Variants in TMEM131L observed in about 807,000 individuals in gnomAD.
TMEM131L encodes the protein transmembrane 131 like.
TMEM131L carries 54 observed loss-of-function variants against 192.2 expected under a neutral mutation model. That is an observed-to-expected ratio of 0.28 (90% confidence interval 0.23 to 0.35). The LOEUF (loss-of-function observed/expected upper bound fraction) is 0.35. Among genes scored for constraint, TMEM131L ranks in the 10% least tolerant of loss-of-function variants. The pLI, the probability that TMEM131L is intolerant of heterozygous loss-of-function variation, is 1.00. For missense variants in TMEM131L, 1,888 were observed against 1,972.9 expected (o/e 0.96, Z 0.82); for synonymous variants, 701 against 704.9 (o/e 0.99, Z 0.09).
intron 16 of TMEM131L, among the ~76,000 whole-genome samples, chr4:153,589,318 A>G (rs1198691026): frequency 3.3e-5 from 5 of 152,200 alleles, no homozygotes; most frequent in Non-Finnish European, 7.3e-5. Flanking sequence ...CTGAATTGTC[A>G]GCATCACTCT....
chr4:153,514,956 C>T (rs889833828), intron 3 of TMEM131L, among the ~76,000 whole-genome samples: 31 of 151,976 alleles, frequency 2.0e-4, no homozygotes, highest in African/African-American at 7.0e-4. Context: ...GGATTATAGG[C>T]GCCTGCCACC....
At chr4:153,543,545 C>T (rs1561176170) in intron 3 of TMEM131L, among the ~76,000 whole-genome samples, 1 of 152,172 alleles carries the variant, frequency 6.6e-6, no homozygotes, top group African/African-American at 2.4e-5. Flanking sequence ...GGAAGGCCGC[C>T]GCCTGGAGTA....
intron 7 of TMEM131L, among the ~76,000 whole-genome samples, chr4:153,564,360 A>G (rs916167565): frequency 6.6e-6 from 1 of 150,488 alleles, no homozygotes; most frequent in East Asian, 2.0e-4. Context: ...GAGGACATAG[A>G]TGGCACATAG....
intron 3 of TMEM131L, among the ~76,000 whole-genome samples, chr4:153,527,266 A>C (rs1000877664): frequency 1.4e-5 from 2 of 148,094 alleles, no homozygotes; most frequent in East Asian, 4.2e-4. Flanking sequence ...CCAAATCTTC[A>C]GTTTTTTTTC....
intron 3 of TMEM131L, among the ~76,000 whole-genome samples, chr4:153,490,679 G>A (rs989815942): frequency 6.6e-6 from 1 of 152,054 alleles, no homozygotes; most frequent in Non-Finnish European, 1.5e-5. Context: ...TGAGCGGCCG[G>A]GCGTGGGGGC....
intron 3 of TMEM131L, among the ~76,000 whole-genome samples, chr4:153,540,088 G>A (rs1251314087): frequency 6.6e-6 from 1 of 151,368 alleles, no homozygotes; most frequent in African/African-American, 2.4e-5. Flanking sequence ...TCCAGCCTGG[G>A]CAACAAGAGT....
intron 7 of TMEM131L, among the ~76,000 whole-genome samples, chr4:153,564,287 CAAAAAAAAAAAAAAAA>C (rs1178320668): frequency 1.7e-4 from 3 of 17,652 alleles, no homozygotes; most frequent in Non-Finnish European, 4.5e-4. Context: ...AACTCCGTCT[CAAAAAAAAAAAAAAAA>C]AAAAAAAAAA....
chr4:153,548,066 G>A (rs1428247503), intron 3 of TMEM131L, among the ~76,000 whole-genome samples: 4 of 151,930 alleles, frequency 2.6e-5, no homozygotes, highest in African/African-American at 9.7e-5. Flanking sequence ...AGCTCCGTCT[G>A]GAGTAGGGTC....
At chr4:153,529,257 G>C (rs1735721690) in intron 3 of TMEM131L, among the ~76,000 whole-genome samples, 1 of 152,052 alleles carries the variant, frequency 6.6e-6, no homozygotes. Flanking sequence ...TGATTACTTT[G>C]AATATTCTAT....
intron 5 of TMEM131L, among the ~76,000 whole-genome samples, chr4:153,556,506 T>C (rs1728463818): frequency 8.1e-6 from 1 of 122,844 alleles, no homozygotes; most frequent in Non-Finnish European, 1.6e-5. Flanking sequence ...CCTGATATTA[T>C]GTACTTAAAA....
chr4:153,513,149 G>T (rs1364319262), intron 3 of TMEM131L, among the ~76,000 whole-genome samples: 1 of 152,180 alleles, frequency 6.6e-6, no homozygotes, highest in East Asian at 1.9e-4. Flanking sequence ...GTCTAATCTG[G>T]TTCTGTTCTA....
In TMEM131L at chr4:153,501,236, C is replaced by T. The variant is rs571772533; in HGVS notation, c.239+27348C>T. Among the ~76,000 whole-genome samples the T allele has an allele frequency of 4.4e-4, 62 of 141,276 alleles. 1 individual carries two copies. Among genetic ancestry groups the T allele is most frequent in the Admixed American group, 7.4e-4 (10 of 13,536 alleles). 92.7% of individuals were successfully genotyped at this position (141,276 alleles called of 152,430 possible). On this transcript the variant is annotated intron_variant, in intron 3 of 34. Transcript: ENST00000409959. ...TTTTTTTTTTTTTGAGACGGAGTCT[C>T]GCTCTGTCACCCAGGCTGGAGTGCA...
In TMEM131L at chr4:153,593,943, T is replaced by C. The variant is rs1731248887; in HGVS notation, c.1995+72T>C. 5 of 988,930 alleles carry C rather than the reference T, an allele frequency of 5.1e-6. No individual in the cohort carries two copies. In the South Asian group the frequency reaches 6.5e-5, roughly 13 times the overall value. The allele number at this position is 988,930 out of a possible 1,614,324, so 61.3% of individuals were successfully genotyped here. ...CACATGAGCATACGGGCCTCATTGA[T>C]TTATGTTTAAAATGTCTTTTATTTA... is the stretch of plus-strand genomic sequence containing the variant. On this transcript the variant is annotated intron_variant, in intron 19 of 34. Coordinates refer to ENST00000409959, the MANE Select transcript of TMEM131L (RefSeq NM_001131007.2).
intron 4 of TMEM131L, among the ~76,000 whole-genome samples, chr4:153,551,539 A>G (rs1257692225): frequency 3.3e-5 from 5 of 152,162 alleles, no homozygotes; most frequent in Admixed American, 6.5e-5. Flanking sequence ...TATTTTTAGT[A>G]GAGACAGTGT....
chr4:153,476,956 C>A (rs1293225616), intron 3 of TMEM131L, among the ~76,000 whole-genome samples: 1 of 152,122 alleles, frequency 6.6e-6, no homozygotes, highest in Non-Finnish European at 1.5e-5. Flanking sequence ...GGTAAACGCC[C>A]ACAATTGTAA....
At chr4:153,631,684 G>A (rs1734219680) in intron 31 of TMEM131L, among the ~76,000 whole-genome samples, 1 of 152,208 alleles carries the variant, frequency 6.6e-6, no homozygotes, top group Non-Finnish European at 1.5e-5. Context: ...GATCCCTAGA[G>A]ACTTGTGTCC....
At chr4:153,468,887 A>G (rs931289715) in intron 2 of TMEM131L, among the ~76,000 whole-genome samples, 4 of 152,200 alleles carry the variant, frequency 2.6e-5, no homozygotes, top group South Asian at 2.1e-4. Flanking sequence ...TATAGTTTCT[A>G]TCTCTTACTG....
intron 16 of TMEM131L, 24 bp from the exon 17 acceptor site, chr4:153,591,029 A>G (rs770328487): frequency 6.9e-7 from 1 of 1,446,278 alleles, no homozygotes; most frequent in South Asian, 1.5e-5. Flanking sequence ...ATTTTTCATA[A>G]TAGTTTCTTT....
At chr4:153,622,560 A>G (rs541920855) in intron 28 of TMEM131L, among the ~76,000 whole-genome samples, 1 of 152,332 alleles carries the variant, frequency 6.6e-6, no homozygotes, top group South Asian at 2.1e-4. Flanking sequence ...AGAGGGGGAA[A>G]ATCACCTATG....
Sources: gnomAD v4.1 joint callset for allele counts (sites outside exome capture counted in the v4.1 genomes callset) on GRCh38, gnomAD v4.1.1 for gene constraint, MANE v1.5 for transcripts, NCBI Gene and HGNC (gene_info 2026-07-23, HGNC 2026-07-21) for gene names.